GALNT17: variants seen among roughly 807,000 people sequenced by gnomAD.
The protein encoded by GALNT17 is UDP-GalNAc:polypeptide N-acetylgalactosaminyltransferase-like 3.
In GALNT17, 29 loss-of-function variants were observed where a neutral mutation model predicts 63.7. That is an observed-to-expected ratio of 0.46 (90% confidence interval 0.34 to 0.62). The LOEUF (loss-of-function observed/expected upper bound fraction) is 0.62, where lower values mean the gene tolerates loss of function less well. GALNT17 is among the 20% of genes least tolerant of loss of function. The pLI, the probability that GALNT17 is intolerant of heterozygous loss-of-function variation, is 0.01. For missense variants in GALNT17, 603 were observed against 799.6 expected, an observed-to-expected ratio of 0.75 and a Z score of 2.97; for synonymous variants, 305 against 318.3, an observed-to-expected ratio of 0.96 and a Z score of 0.45.
chr7:71,161,479 C>T (rs866197136), intron 1 of GALNT17, among the ~76,000 whole-genome samples: 1 of 152,056 alleles, frequency 6.6e-6, no homozygotes, highest in African/African-American at 2.4e-5. Context: ...ATATTTATTA[C>T]GAATATGCTT....
Position 71,305,491 on chromosome 7 carries a change from A to C in GALNT17, c.239-30059A>C, listed in dbSNP as rs549657264. On this transcript the variant is annotated intron_variant, in intron 1 of 10. Transcript: ENST00000333538. ...CAGTCCCGGAAATTCAGAGTAGTGA[A>C]ATTGTTAGCAGTTGTTCTTAAAATC... is the stretch of plus-strand genomic sequence containing the variant. Among the ~76,000 whole-genome samples the C allele has an allele frequency of 1.9e-3, 295 of 152,296 alleles. 3 individuals carry two copies. The highest frequency in any genetic ancestry group is 2.0e-3 in the Non-Finnish European group (134 of 68,022).
rs181887237 is a variant in GALNT17, at chr7:71,589,916, G to A, written c.1080+18514G>A. ...GACAATATTGCAGATACACGGTGAC[G>A]CAGTCATATGGTAGGTGCTATGGAT... On this transcript the variant is annotated intron_variant, in intron 6 of 10. Transcript: ENST00000333538. 6.4e-4 allele frequency among the ~76,000 whole-genome samples: 97 copies of A among 152,288 alleles called. 1 individual carries two copies. The highest frequency in any genetic ancestry group is 1.2e-3 in the Non-Finnish European group (79 of 68,038).
At chr7:71,459,906 T>C (rs1383118047) in intron 5 of GALNT17, among the ~76,000 whole-genome samples, 1 of 152,212 alleles carries the variant, frequency 6.6e-6, no homozygotes, top group Non-Finnish European at 1.5e-5. Flanking sequence ...GAACATTTCC[T>C]TTCTATTAAC....
At chr7:71,320,089 C>G (rs188397849) in intron 1 of GALNT17, among the ~76,000 whole-genome samples, 40 of 152,254 alleles carry the variant, frequency 2.6e-4, no homozygotes, top group Admixed American at 5.9e-4. Flanking sequence ...AGCAAATGAT[C>G]AAGTCCAACA....
At chr7:71,358,114 G>A (rs1440593197) in intron 2 of GALNT17, among the ~76,000 whole-genome samples, 2 of 152,104 alleles carry the variant, frequency 1.3e-5, no homozygotes, top group South Asian at 2.1e-4. Context: ...TTTTTGGGTC[G>A]GTGCCACCTT....
intron 5 of GALNT17, among the ~76,000 whole-genome samples, chr7:71,435,976 C>T (rs1402657757): frequency 1.4e-5 from 2 of 146,072 alleles, no homozygotes; most frequent in South Asian, 2.2e-4. Flanking sequence ...GCCAAGATCA[C>T]GCTACTGCAC....
chr7:71,273,124 AT>A (rs1403956289), intron 1 of GALNT17, among the ~76,000 whole-genome samples: 1 of 152,102 alleles, frequency 6.6e-6, no homozygotes, highest in Non-Finnish European at 1.5e-5. Flanking sequence ...ATATAATTCC[AT>A]GATAATGACA....
In GALNT17 at chr7:71,379,818, G is replaced by A. The variant is rs548651905; in HGVS notation, c.423-8417G>A. On this transcript the variant is annotated intron_variant, in intron 2 of 10. Transcript: ENST00000333538. ...GTGAAGGTCCAGGCTAGAGATGTGG[G>A]TTTGGGAGTTGCCAGGGTACTTGGA... 1.1e-4 allele frequency among the ~76,000 whole-genome samples: 17 copies of A among 152,242 alleles called. No individual in the cohort carries two copies. The South Asian group carries it at 3.3e-3, about 30-fold the overall frequency.
At chr7:71,157,852 C>T (rs1188958536) in intron 1 of GALNT17, among the ~76,000 whole-genome samples, 1 of 151,612 alleles carries the variant, frequency 6.6e-6, no homozygotes, top group East Asian at 1.9e-4. Flanking sequence ...TTTTTAACTC[C>T]CAAATATGAG....
intron 1 of GALNT17, among the ~76,000 whole-genome samples, chr7:71,301,972 A>G (rs1476949135): frequency 6.6e-6 from 1 of 152,300 alleles, no homozygotes; most frequent in East Asian, 1.9e-4. Context: ...ATCACAAACC[A>G]TGTGTCTTAT....
intron 5 of GALNT17, among the ~76,000 whole-genome samples, chr7:71,427,759 A>T (rs565745867): frequency 1.3e-5 from 2 of 152,212 alleles, no homozygotes; most frequent in Non-Finnish European, 2.9e-5. Context: ...GCAAAGCTTC[A>T]TCTGTATTTA....
intron 1 of GALNT17, among the ~76,000 whole-genome samples, chr7:71,163,107 A>G (rs983329357): frequency 6.6e-6 from 1 of 152,230 alleles, no homozygotes. Flanking sequence ...AGATGTGTTG[A>G]TGAAATGGAT....
At chr7:71,205,640 G>C (rs61333753) in intron 1 of GALNT17, among the ~76,000 whole-genome samples, 7,571 of 152,018 alleles carry the variant, frequency 0.05, 589 homozygotes, top group African/African-American at 0.17. Flanking sequence ...GCCTAGGCTG[G>C]TTTTGAATTT....
At chr7:71,650,751 A>T (rs1353192882) in intron 6 of GALNT17, among the ~76,000 whole-genome samples, 2 of 152,214 alleles carry the variant, frequency 1.3e-5, no homozygotes, top group Non-Finnish European at 2.9e-5. Context: ...GATGGAGGAC[A>T]TGCATGGATA....
intron 1 of GALNT17, among the ~76,000 whole-genome samples, chr7:71,318,304 G>C (rs1791536510): frequency 6.6e-6 from 1 of 152,144 alleles, no homozygotes; most frequent in Non-Finnish European, 1.5e-5. Flanking sequence ...GAAATCTGCT[G>C]ATGTTGGAGA....
chr7:71,337,262 A>C (rs1791924518), intron 2 of GALNT17, among the ~76,000 whole-genome samples: 1 of 152,112 alleles, frequency 6.6e-6, no homozygotes, highest in African/African-American at 2.4e-5. Flanking sequence ...CATTGTTGGA[A>C]ATTTAGGTTA....
At chr7:71,666,874 G>A (rs181274568) in intron 7 of GALNT17, among the ~76,000 whole-genome samples, 2 of 152,266 alleles carry the variant, frequency 1.3e-5, no homozygotes, top group African/African-American at 4.8e-5. Flanking sequence ...TGGTTGAACC[G>A]ATGGATGCAG....
At chr7:71,233,977 A>G (rs983718851) in intron 1 of GALNT17, among the ~76,000 whole-genome samples, 1 of 152,102 alleles carries the variant, frequency 6.6e-6, no homozygotes, top group Non-Finnish European at 1.5e-5. Flanking sequence ...CTTTTAAACA[A>G]TCAGATCTCA....
At chr7:71,231,451 C>T (rs1052966200) in intron 1 of GALNT17, among the ~76,000 whole-genome samples, 1 of 152,102 alleles carries the variant, frequency 6.6e-6, no homozygotes, top group Non-Finnish European at 1.5e-5. Flanking sequence ...CCAGAGCTTG[C>T]TATGGAAGAG....
Sources: gnomAD v4.1 joint callset for allele counts (sites outside exome capture counted in the v4.1 genomes callset) on GRCh38, gnomAD v4.1.1 for gene constraint, MANE v1.5 for transcripts, NCBI Gene and HGNC (gene_info 2026-07-23, HGNC 2026-07-21) for gene names.